Variants in PINX1 observed in about 807,000 individuals in gnomAD.
The protein encoded by PINX1 is PIN2 (TERF1) interacting telomerase inhibitor 1.
Under a neutral mutation model 25.4 loss-of-function variants are expected in PINX1, and 34 were observed. The observed-to-expected ratio is 1.34, with a 90% CI of 1.02 to 1.78. The LOEUF (loss-of-function observed/expected upper bound fraction) is 1.78. PINX1 is among the 40% of genes most tolerant of loss of function. The probability of loss-of-function intolerance (pLI) is 0.00; values close to 1 mark genes in which losing one functional copy is unlikely to be tolerated. For missense variants in PINX1, 592 were observed against 404.9 expected (o/e 1.46, Z -3.97); for synonymous variants, 197 against 147.7 (o/e 1.33, Z -2.42).
In PINX1 at chr8:10,830,699, G is replaced by A. The variant is rs145547868; in HGVS notation, c.301+966C>T. ...CTTCTTCAAAGAAGATATAAAAATG[G>A]CCAATAAGCGATGAAAAGATGCTTA... On this transcript the variant is annotated intron_variant, in intron 4 of 6. Coordinates refer to ENST00000314787, the MANE Select transcript of PINX1 (RefSeq NM_017884.6). Among the ~76,000 whole-genome samples the A allele has an allele frequency of 7.1e-3, 1,080 of 152,208 alleles. 14 individuals are homozygous for A. Among genetic ancestry groups the A allele is most frequent in the African/African-American group, 0.024 (1,014 of 41,530 alleles).
chr8:10,810,571 G>C (rs949078177), intron 6 of PINX1, among the ~76,000 whole-genome samples: 1 of 152,140 alleles, frequency 6.6e-6, no homozygotes, highest in African/African-American at 2.4e-5. Context: ...CTCCATGCCA[G>C]GCATAATTCT....
At position 10,838,790 on chromosome 8, in the gene PINX1, G is replaced by A. The variant is rs146172592; in HGVS notation, c.19+948C>T. 6.7e-3 allele frequency among the ~76,000 whole-genome samples: 1,026 copies of A among 152,252 alleles called. 14 individuals are homozygous for A. Among genetic ancestry groups the A allele is most frequent in the Admixed American group, 0.012 (180 of 15,300 alleles). ...ATACAGAGATAACTGGATCAATTTT[G>A]CCATTTTCTACCTCAATGACTAGGG... On this transcript the variant is annotated intron_variant, in intron 1 of 6. Coordinates refer to ENST00000314787, the MANE Select transcript of PINX1 (RefSeq NM_017884.6).
intron 6 of PINX1, among the ~76,000 whole-genome samples, chr8:10,798,686 CTCAAAAGG>C (rs1314159178): frequency 6.6e-6 from 1 of 152,180 alleles, no homozygotes; most frequent in Non-Finnish European, 1.5e-5. Flanking sequence ...TTGCAACTCT[CTCAAAAGG>C]TAGAGACACC....
At chr8:10,816,379 G>A (rs1354945202) in intron 6 of PINX1, among the ~76,000 whole-genome samples, 1 of 152,242 alleles carries the variant, frequency 6.6e-6, no homozygotes, top group African/African-American at 2.4e-5. Flanking sequence ...ATCAAGGGCT[G>A]CAGATGTTTC....
chr8:10,835,476 C>T (rs1353847037), intron 1 of PINX1, among the ~76,000 whole-genome samples: 1 of 152,192 alleles, frequency 6.6e-6, no homozygotes, highest in Non-Finnish European at 1.5e-5. Flanking sequence ...CAACTGTACC[C>T]TCCACACATG....
At chr8:10,837,835 A>G (rs1478994306) in intron 1 of PINX1, among the ~76,000 whole-genome samples, 2 of 152,190 alleles carry the variant, frequency 1.3e-5, no homozygotes, top group Non-Finnish European at 2.9e-5. Context: ...GGTTGATCAG[A>G]AGGAGAGTAT....
chr8:10,818,194 T>C (rs1397895929), intron 6 of PINX1, among the ~76,000 whole-genome samples: 1 of 152,150 alleles, frequency 6.6e-6, no homozygotes, highest in African/African-American at 2.4e-5. Context: ...GAGATGTGAC[T>C]AATGGAAATC....
Position 10,765,527 on chromosome 8 carries a change from C to G in PINX1, c.861G>C (p.Arg287=). Residue 287 remains arginine, a synonymous_variant, in exon 7 of 7, where the codon CGG becomes CGC. Transcript: ENST00000314787. ...AGDHVQPPEG[R]DFTLKPKKRR... is the part of the protein sequence containing the mutation. The stretch of plus-strand genomic sequence containing the variant: ...TCTTTTTGGGCTTCAGGGTGAAGTC[C>G]CGGCCCTCAGGCGGCTGCACATGGT... 1 of 1,613,706 alleles carries G rather than the reference C, an allele frequency of 6.2e-7. No homozygotes were observed. Among genetic ancestry groups the G allele is most frequent in the Non-Finnish European group, 8.5e-7 (1 of 1,179,890 alleles).
At chr8:10,774,123 TC>T (rs1261931343) in intron 6 of PINX1, among the ~76,000 whole-genome samples, 1 of 152,176 alleles carries the variant, frequency 6.6e-6, no homozygotes, top group Non-Finnish European at 1.5e-5. Context: ...AGCAGAAGCT[TC>T]CAGAGGGTTC....
intron 6 of PINX1, among the ~76,000 whole-genome samples, chr8:10,812,195 G>A (rs922975767): frequency 3.9e-5 from 6 of 152,178 alleles, no homozygotes; most frequent in Admixed American, 2.6e-4. Flanking sequence ...GACACATCAA[G>A]AGCCTTTCAC....
At chr8:10,799,500 A>G (rs1211218632) in intron 6 of PINX1, among the ~76,000 whole-genome samples, 1 of 152,166 alleles carries the variant, frequency 6.6e-6, no homozygotes, top group Non-Finnish European at 1.5e-5. Flanking sequence ...CAAAGATTCC[A>G]GTTCATTCCC....
intron 5 of PINX1, among the ~76,000 whole-genome samples, chr8:10,822,804 G>A (rs1184236422): frequency 6.6e-6 from 1 of 152,174 alleles, no homozygotes; most frequent in Non-Finnish European, 1.5e-5. Context: ...GAAAAGCAGA[G>A]TTGAGCTGCC....
chr8:10,807,391 G>A (rs915347744), intron 6 of PINX1, among the ~76,000 whole-genome samples: 3 of 123,416 alleles, frequency 2.4e-5, no homozygotes, highest in African/African-American at 6.5e-5. Flanking sequence ...AAAATCTGAG[G>A]AGGAATTCAA....
chr8:10,837,022 C>G (rs1264614876), intron 1 of PINX1, among the ~76,000 whole-genome samples: 2 of 152,212 alleles, frequency 1.3e-5, no homozygotes, highest in African/African-American at 4.8e-5. Context: ...CAGCTTTGTT[C>G]ACTAACACAG....
intron 1 of PINX1, among the ~76,000 whole-genome samples, chr8:10,836,936 T>C (rs1364641427): frequency 8.1e-6 from 1 of 123,400 alleles, no homozygotes; most frequent in Non-Finnish European, 1.6e-5. Context: ...AGACTGCCTC[T>C]GAGCTGTTCC....
chr8:10,775,451 A>C (rs1183803168), intron 6 of PINX1, among the ~76,000 whole-genome samples: 26 of 126,546 alleles, frequency 2.1e-4, no homozygotes, highest in African/African-American at 8.0e-4. Context: ...GCCTTTAAAA[A>C]TTTTGAATCC....
intron 5 of PINX1, among the ~76,000 whole-genome samples, chr8:10,820,471 T>G (rs1544980): frequency 6.6e-6 from 1 of 152,102 alleles, no homozygotes; most frequent in Non-Finnish European, 1.5e-5. Context: ...ACCAAGTAAA[T>G]GTTTTAGAAC....
intron 6 of PINX1, among the ~76,000 whole-genome samples, chr8:10,798,815 G>A (rs755994315): frequency 5.9e-5 from 9 of 152,198 alleles, no homozygotes; most frequent in Non-Finnish European, 1.3e-4. Context: ...GATTTCTAGT[G>A]TCGAGCCAGA....
At chr8:10,796,171 C>T (rs1346046036) in intron 6 of PINX1, among the ~76,000 whole-genome samples, 1 of 152,100 alleles carries the variant, frequency 6.6e-6, no homozygotes, top group Non-Finnish European at 1.5e-5. Flanking sequence ...CTGCTGAGTG[C>T]ATGGAAGGAG....
Sources: gnomAD v4.1 joint callset for allele counts (sites outside exome capture counted in the v4.1 genomes callset) on GRCh38, gnomAD v4.1.1 for gene constraint, MANE v1.5 for transcripts, NCBI Gene and HGNC (gene_info 2026-07-23, HGNC 2026-07-21) for gene names.